The following CNTNAP2 variants were observed in gnomAD, a reference collection of about 807,000 sequenced individuals.
CNTNAP2 encodes contactin associated protein 2.
A neutral mutation model predicts 155.2 loss-of-function variants in CNTNAP2; 98 were observed. The ratio of observed to expected loss-of-function variants is 0.63; its 90% CI spans 0.54 to 0.75. CNTNAP2 has a LOEUF of 0.75. Ranked by LOEUF, CNTNAP2 falls within the 30% of genes least tolerant of loss-of-function variation. The pLI is 0.00. For synonymous variants in CNTNAP2, 651 were observed against 631.2 expected (o/e 1.03, Z -0.47); for missense variants, 1,727 against 1,688.1 (o/e 1.02, Z -0.40).
In CNTNAP2 at chr7:148,223,187, C is replaced by T. The variant is rs945708078; in HGVS notation, c.3247+5663C>T. Reference sequence around the variant, plus strand: ...CCCCAACTTCCTCTCTAGCCAGACACCTGCCTTTCATTCTAGGCTGAGATC... The same window carrying T: ...CCCCAACTTCCTCTCTAGCCAGACATCTGCCTTTCATTCTAGGCTGAGATC... On this transcript the variant is annotated intron_variant, in intron 19 of 23. Coordinates refer to ENST00000361727, the MANE Select transcript of CNTNAP2 (RefSeq NM_014141.6). Among the ~76,000 whole-genome samples the T allele has an allele frequency of 3.3e-5, 5 of 152,176 alleles. No homozygotes were observed. The South Asian group carries it at 1.0e-3, about 32-fold the overall frequency.
rs149807648 is a variant in CNTNAP2 at position 146,439,708 on chromosome 7, G to A, written c.97+322735G>A. On this transcript the variant is annotated intron_variant, in intron 1 of 23. Coordinates refer to ENST00000361727, the MANE Select transcript of CNTNAP2 (RefSeq NM_014141.6). ...ATATGGGAGCAGAATGACTCTTGTCGTAGTCACAAAGGTTCCAACTTGATT... is the reference window on the plus strand; with the variant it reads ...ATATGGGAGCAGAATGACTCTTGTCATAGTCACAAAGGTTCCAACTTGATT... Among the ~76,000 whole-genome samples, 192 of 151,434 alleles carry A rather than the reference G, an allele frequency of 1.3e-3. 2 individuals are homozygous for A. The highest frequency in any genetic ancestry group is 3.9e-3 in the Admixed American group (60 of 15,240).
chr7:148,264,757 C>T (rs111579484), intron 20 of CNTNAP2, among the ~76,000 whole-genome samples: 4,599 of 151,998 alleles, frequency 0.03, 167 homozygotes, highest in African/African-American at 0.083. Context: ...TGCAGTGGCG[C>T]GATCTCGGCT....
At chr7:147,137,763 A>G (rs962919838) in intron 8 of CNTNAP2, among the ~76,000 whole-genome samples, 4 of 151,850 alleles carry the variant, frequency 2.6e-5, no homozygotes, top group Non-Finnish European at 4.4e-5. Context: ...AATATTCATA[A>G]CTCATTTTGA....
At chr7:147,520,867 C>T (rs1201375685) in intron 11 of CNTNAP2, among the ~76,000 whole-genome samples, 1 of 152,186 alleles carries the variant, frequency 6.6e-6, no homozygotes, top group Non-Finnish European at 1.5e-5. Flanking sequence ...AGACCCTGTC[C>T]TCTGTCAGTC....
At chr7:147,191,600 T>C (rs1226011376) in intron 8 of CNTNAP2, among the ~76,000 whole-genome samples, 5 of 152,162 alleles carry the variant, frequency 3.3e-5, no homozygotes, top group Non-Finnish European at 7.4e-5. Flanking sequence ...CTGGAGATTT[T>C]TTCTGGTCTG....
intron 1 of CNTNAP2, among the ~76,000 whole-genome samples, chr7:146,623,671 C>A (rs1377751032): frequency 5.3e-5 from 8 of 152,036 alleles, no homozygotes; most frequent in African/African-American, 1.9e-4. Context: ...TTGGTTGTTT[C>A]CAGTTTTTGC....
intron 1 of CNTNAP2, among the ~76,000 whole-genome samples, chr7:146,772,502 C>G (rs916516266): frequency 1.0e-5 from 1 of 96,238 alleles, no homozygotes; most frequent in Admixed American, 1.2e-4. Context: ...ACTGAAAATA[C>G]AAAAAAAAAA....
At chr7:148,412,385 T>A (rs1003999231) in intron 23 of CNTNAP2, among the ~76,000 whole-genome samples, 12 of 152,276 alleles carry the variant, frequency 7.9e-5, no homozygotes, top group Admixed American at 5.2e-4. Context: ...AGTATTTCTA[T>A]CTTTACATGG....
At chr7:147,177,372 C>T (rs1802370961) in intron 8 of CNTNAP2, among the ~76,000 whole-genome samples, 1 of 152,024 alleles carries the variant, frequency 6.6e-6, no homozygotes, top group African/African-American at 2.4e-5. Flanking sequence ...AAGGGGCTTC[C>T]CCTCTTTGAT....
At chr7:148,214,805 G>T (rs1311506606) in intron 18 of CNTNAP2, among the ~76,000 whole-genome samples, 1 of 152,100 alleles carries the variant, frequency 6.6e-6, no homozygotes, top group African/African-American at 2.4e-5. Context: ...TCCTGGCCTC[G>T]TGATCCGCCA....
At chr7:146,288,995 G>A (rs1800385315) in intron 1 of CNTNAP2, among the ~76,000 whole-genome samples, 1 of 151,476 alleles carries the variant, frequency 6.6e-6, no homozygotes, top group Admixed American at 6.6e-5. Context: ...GTAGAGATGG[G>A]GTTTTATCAT....
intron 1 of CNTNAP2, among the ~76,000 whole-genome samples, chr7:146,617,600 C>G (rs1336144095): frequency 6.6e-6 from 1 of 152,056 alleles, no homozygotes; most frequent in African/African-American, 2.4e-5. Context: ...GTTTATCTAG[C>G]CATGAAGTAT....
chr7:146,422,101 C>A (rs533704074), intron 1 of CNTNAP2, among the ~76,000 whole-genome samples: 4 of 150,896 alleles, frequency 2.7e-5, no homozygotes, highest in Admixed American at 6.6e-5. Context: ...AAAATTAATT[C>A]TTATCTCAAT....
At chr7:147,630,068 C>T (rs899153309) in intron 12 of CNTNAP2, among the ~76,000 whole-genome samples, 14 of 149,610 alleles carry the variant, frequency 9.4e-5, no homozygotes, top group Admixed American at 2.7e-4. Flanking sequence ...ATTGATAGAC[C>T]ATTAGCAAGA....
intron 15 of CNTNAP2, among the ~76,000 whole-genome samples, chr7:148,092,879 T>TAAAA (rs11321148): frequency 2.4e-5 from 3 of 122,714 alleles, no homozygotes; most frequent in Non-Finnish European, 5.2e-5. Context: ...AGTCTCAATT[T>TAAAA]AAAAAAAAAA....
chr7:148,044,271 T>C (rs1287171757), intron 15 of CNTNAP2, among the ~76,000 whole-genome samples: 3 of 150,570 alleles, frequency 2.0e-5, no homozygotes, highest in Non-Finnish European at 3.0e-5. Flanking sequence ...CCCAAGGGGG[T>C]TCCCGGGACG....
intron 21 of CNTNAP2, among the ~76,000 whole-genome samples, chr7:148,371,390 G>A (rs1035832108): frequency 3.9e-5 from 6 of 152,224 alleles, no homozygotes; most frequent in African/African-American, 1.2e-4. Flanking sequence ...ACTGTATTTA[G>A]TTATATCTAG....
intron 1 of CNTNAP2, among the ~76,000 whole-genome samples, chr7:146,409,172 G>A (rs995594666): frequency 3.3e-5 from 5 of 152,054 alleles, no homozygotes; most frequent in South Asian, 2.1e-4. Flanking sequence ...CATTCAAGAC[G>A]TCATTTTAAT....
At chr7:147,185,020 A>G (rs1253107094) in intron 8 of CNTNAP2, among the ~76,000 whole-genome samples, 1 of 152,204 alleles carries the variant, frequency 6.6e-6, no homozygotes, top group Non-Finnish European at 1.5e-5. Flanking sequence ...GGAAAAAGCC[A>G]CTTAAATGGG....
Sources: gnomAD v4.1 joint callset for allele counts (sites outside exome capture counted in the v4.1 genomes callset) on GRCh38, gnomAD v4.1.1 for gene constraint, MANE v1.5 for transcripts, NCBI Gene and HGNC (gene_info 2026-07-23, HGNC 2026-07-21) for gene names.